IL1RAPL1: variants seen among roughly 807,000 people sequenced by gnomAD.
IL1RAPL1 encodes interleukin-1 receptor accessory protein-like 1.
IL1RAPL1 carries 3 observed loss-of-function variants against 48.4 expected under a neutral mutation model. That is an observed-to-expected ratio of 0.06 (90% CI 0.03 to 0.16). The LOEUF is 0.16. Ranked by LOEUF, IL1RAPL1 falls within the 10% of genes least tolerant of loss-of-function variation. The pLI, the probability that IL1RAPL1 is intolerant of heterozygous loss-of-function variation, is 1.00. For synonymous variants in IL1RAPL1, 185 were observed against 187.7 expected, an observed-to-expected ratio of 0.99 and a Z score of 0.12; for missense variants, 349 against 530.6, an observed-to-expected ratio of 0.66 and a Z score of 3.36.
chrX:29,707,101 A>C, intron 6 of IL1RAPL1, among the ~76,000 whole-genome samples: 1 of 111,436 alleles, frequency 9.0e-6, no homozygotes, highest in Non-Finnish European at 1.9e-5. Context: ...CGAGAAAAAA[A>C]TAATCCCATC....
intron 2 of IL1RAPL1, among the ~76,000 whole-genome samples, chrX:28,937,523 G>A (rs1215697485): frequency 9.0e-6 from 1 of 111,251 alleles, no homozygotes; most frequent in East Asian, 2.8e-4. Flanking sequence ...AGGAGAGAAG[G>A]TGTCTTTTGC....
intron 3 of IL1RAPL1, among the ~76,000 whole-genome samples, chrX:29,306,146 C>T (rs1932613057): frequency 1.8e-5 from 2 of 111,964 alleles, no homozygotes; most frequent in African/African-American, 6.5e-5. Flanking sequence ...TTACTACCTA[C>T]GTTGTAGTCT....
At chrX:28,677,374 G>A (rs1351179180) in intron 1 of IL1RAPL1, among the ~76,000 whole-genome samples, 1 of 112,022 alleles carries the variant, frequency 8.9e-6, no homozygotes, top group African/African-American at 3.2e-5. Context: ...ACATCTATCA[G>A]TGTAGTCATT....
At chrX:29,761,496 A>G (rs1228940131) in intron 6 of IL1RAPL1, among the ~76,000 whole-genome samples, 1 of 112,136 alleles carries the variant, frequency 8.9e-6, no homozygotes, top group African/African-American at 3.2e-5. Context: ...CTGTATTTTT[A>G]TTGAATCTAA....
chrX:28,958,892 A>G (rs990901601), intron 2 of IL1RAPL1, among the ~76,000 whole-genome samples: 5 of 111,740 alleles, frequency 4.5e-5, no homozygotes, highest in African/African-American at 1.6e-4. Flanking sequence ...AATGTCTCTG[A>G]CAAAAAAAAG....
At chrX:29,599,418 T>C (rs1426047523) in intron 5 of IL1RAPL1, among the ~76,000 whole-genome samples, 4 of 112,149 alleles carry the variant, frequency 3.6e-5, no homozygotes, top group African/African-American at 1.3e-4. Context: ...CCTTTATAGG[T>C]TACCTGATGC....
chrX:28,779,378 C>T (rs1936392474), intron 1 of IL1RAPL1, among the ~76,000 whole-genome samples: 1 of 108,626 alleles, frequency 9.2e-6, no homozygotes, highest in South Asian at 4.0e-4. Context: ...TGGAAATGGA[C>T]TTTTTCTATG....
At chrX:29,661,405 A>G (rs965347692) in intron 5 of IL1RAPL1, among the ~76,000 whole-genome samples, 1 of 112,155 alleles carries the variant, frequency 8.9e-6, no homozygotes, top group Non-Finnish European at 1.9e-5. Flanking sequence ...TCCAGATCTG[A>G]GTGGAAAGGC....
At chrX:29,057,321 C>T (rs1047248695) in intron 2 of IL1RAPL1, among the ~76,000 whole-genome samples, 40 of 111,963 alleles carry the variant, frequency 3.6e-4, no homozygotes, top group African/African-American at 1.3e-3. Flanking sequence ...TACTAATGGA[C>T]CACAAGGGTA....
intron 2 of IL1RAPL1, among the ~76,000 whole-genome samples, chrX:29,206,788 G>C (rs1041259729): frequency 6.3e-5 from 7 of 111,066 alleles, no homozygotes; most frequent in African/African-American, 2.0e-4. Flanking sequence ...GTACTGAAAA[G>C]ATAAAAAAAT....
intron 6 of IL1RAPL1, among the ~76,000 whole-genome samples, chrX:29,689,698 T>C (rs1049686942): frequency 1.8e-5 from 2 of 112,208 alleles, no homozygotes; most frequent in Non-Finnish European, 3.8e-5. Flanking sequence ...AGAACATATG[T>C]TGGCTTTTGG....
chrX:29,850,786 T>C (rs1931349578), intron 6 of IL1RAPL1, among the ~76,000 whole-genome samples: 1 of 112,531 alleles, frequency 8.9e-6, no homozygotes, highest in Non-Finnish European at 1.9e-5. Context: ...CAATGCAGCC[T>C]ATATTCTTCC....
chrX:28,995,182 A>T (rs978933958), intron 2 of IL1RAPL1, among the ~76,000 whole-genome samples: 1 of 111,857 alleles, frequency 8.9e-6, no homozygotes, highest in Admixed American at 9.6e-5. Context: ...TATTTATTTT[A>T]AAAAATATTT....
At chrX:29,371,099 A>G (rs1453867636) in intron 3 of IL1RAPL1, among the ~76,000 whole-genome samples, 1 of 106,027 alleles carries the variant, frequency 9.4e-6, no homozygotes, top group East Asian at 2.9e-4. Flanking sequence ...ATAGATCACT[A>G]GAACTTATTT....
Position 28,981,807 on chromosome X carries a change from A to C in IL1RAPL1, c.82+192382A>C, listed in dbSNP as rs141311605. 3.7e-3 allele frequency among the ~76,000 whole-genome samples: 412 copies of C among 111,304 alleles called. 1 individual carries two copies. The highest frequency in any genetic ancestry group is 0.012 in the African/African-American group (367 of 30,644). On this transcript the variant is annotated intron_variant, in intron 2 of 10. Transcript: ENST00000378993. ...AGCCTGCACTTTCTCGTTTTTGTACATGCTCTGCACAAATCCTGAAGTATC... is the reference window on the plus strand; with the variant it reads ...AGCCTGCACTTTCTCGTTTTTGTACCTGCTCTGCACAAATCCTGAAGTATC...
chrX:29,848,806 C>T (rs1931301016), intron 6 of IL1RAPL1, among the ~76,000 whole-genome samples: 1 of 111,003 alleles, frequency 9.0e-6, no homozygotes. Context: ...CACTCTGTCA[C>T]CCAGGTTGGA....
intron 5 of IL1RAPL1, among the ~76,000 whole-genome samples, chrX:29,632,861 A>G (rs768895560): frequency 2.1e-4 from 24 of 112,231 alleles, no homozygotes; most frequent in Non-Finnish European, 3.9e-4. Context: ...TTTGTCTGCT[A>G]CATGATACCC....
At chrX:29,083,238 A>T (rs2147450288) in intron 2 of IL1RAPL1, among the ~76,000 whole-genome samples, 1 of 111,973 alleles carries the variant, frequency 8.9e-6, no homozygotes, top group East Asian at 2.8e-4. Flanking sequence ...ATATATCCAA[A>T]TTTAACCTCA....
intron 5 of IL1RAPL1, among the ~76,000 whole-genome samples, chrX:29,557,699 C>A (rs1438232975): frequency 1.8e-5 from 2 of 111,480 alleles, no homozygotes; most frequent in Non-Finnish European, 3.8e-5. Context: ...CCACTGGTAA[C>A]CTCCATTCTA....
Sources: allele counts gnomAD v4.1 joint callset (sites outside exome capture counted in the v4.1 genomes callset), GRCh38; gene constraint gnomAD v4.1.1; transcripts MANE v1.5; gene names NCBI Gene and HGNC (gene_info 2026-07-23, HGNC 2026-07-21).